EHBP1: variants seen among roughly 807,000 people sequenced by gnomAD.
EHBP1 encodes EH domain binding protein 1, also known as EH domain-binding protein 1.
In EHBP1, 55 loss-of-function variants were observed where a neutral mutation model predicts 144.0. The observed-to-expected ratio is 0.38, with a 90% confidence interval of 0.31 to 0.48. EHBP1 has a LOEUF of 0.48. Among genes scored for constraint, EHBP1 ranks in the 20% least tolerant of loss-of-function variants. EHBP1 has a pLI of 0.98. For missense variants in EHBP1, 1,200 were observed against 1,364.2 expected, an observed-to-expected ratio of 0.88 and a Z score of 1.90; for synonymous variants, 469 against 472.7, an observed-to-expected ratio of 0.99 and a Z score of 0.10.
At chr2:62,951,423 C>T (rs998198621) in intron 13 of EHBP1, among the ~76,000 whole-genome samples, 29 of 151,332 alleles carry the variant, frequency 1.9e-4, no homozygotes, top group Admixed American at 1.7e-3. Flanking sequence ...TTCAGGACAG[C>T]ATATGTCCAC....
intron 11 of EHBP1, among the ~76,000 whole-genome samples, chr2:62,943,556 C>A (rs970923915): frequency 6.6e-6 from 1 of 152,062 alleles, no homozygotes; most frequent in Non-Finnish European, 1.5e-5. Flanking sequence ...AGTCTTTGGT[C>A]CCCTGCCTTA....
chr2:62,886,422 G>A (rs1393858620), intron 10 of EHBP1, among the ~76,000 whole-genome samples: 1 of 152,092 alleles, frequency 6.6e-6, no homozygotes, highest in East Asian at 1.9e-4. Context: ...TACTTTACCT[G>A]TAAATTTTTT....
chr2:62,750,540 T>TG (rs769142167), intron 3 of EHBP1, among the ~76,000 whole-genome samples: 1 of 152,106 alleles, frequency 6.6e-6, no homozygotes. Context: ...GGTAGCTTGA[T>TG]GGGATGGCAT....
chr2:62,783,693 A>C (rs1052620428), intron 5 of EHBP1, among the ~76,000 whole-genome samples: 1 of 152,242 alleles, frequency 6.6e-6, no homozygotes, highest in African/African-American at 2.4e-5. Flanking sequence ...TGCACACAGC[A>C]GGGGAGCCCT....
intron 2 of EHBP1, among the ~76,000 whole-genome samples, chr2:62,744,833 C>T (rs2039006468): frequency 6.6e-6 from 1 of 152,000 alleles, no homozygotes; most frequent in Non-Finnish European, 1.5e-5. Context: ...GTAGGGGACA[C>T]ACTCTCATTG....
At chr2:62,964,150 A>G (rs561583553) in intron 14 of EHBP1, among the ~76,000 whole-genome samples, 1 of 152,212 alleles carries the variant, frequency 6.6e-6, no homozygotes, top group Non-Finnish European at 1.5e-5. Context: ...GCTTGCTAGC[A>G]TATCTTCAAA....
At chr2:62,819,055 A>G (rs1197936429) in intron 5 of EHBP1, among the ~76,000 whole-genome samples, 2 of 152,178 alleles carry the variant, frequency 1.3e-5, no homozygotes, top group African/African-American at 4.8e-5. Flanking sequence ...AGCATAAAAG[A>G]AAGGAAAATC....
At chr2:62,835,286 T>A (rs2047125287) in intron 7 of EHBP1, among the ~76,000 whole-genome samples, 3 of 152,182 alleles carry the variant, frequency 2.0e-5, no homozygotes, top group Admixed American at 2.0e-4. Flanking sequence ...ATTTTGGGGC[T>A]TTTCTTATTT....
chr2:62,880,417 AG>A (rs1240042310), intron 10 of EHBP1, among the ~76,000 whole-genome samples: 1 of 152,022 alleles, frequency 6.6e-6, no homozygotes, highest in East Asian at 1.9e-4. Context: ...CAAAAAAGAA[AG>A]AAACAAAAAA....
intron 3 of EHBP1, among the ~76,000 whole-genome samples, chr2:62,756,136 A>G (rs551890791): frequency 2.6e-5 from 4 of 151,918 alleles, no homozygotes; most frequent in African/African-American, 9.6e-5. Flanking sequence ...GAATACCTAT[A>G]TTTGATGTTT....
chr2:62,787,404 C>A (rs1391110186), intron 5 of EHBP1, among the ~76,000 whole-genome samples: 1 of 125,008 alleles, frequency 8.0e-6, no homozygotes, highest in Non-Finnish European at 1.7e-5. Context: ...GCCCCCCCCC[C>A]CCACCCCCTT....
intron 3 of EHBP1, among the ~76,000 whole-genome samples, chr2:62,763,258 T>C (rs2040904838): frequency 2.0e-5 from 3 of 152,128 alleles, no homozygotes; most frequent in Non-Finnish European, 4.4e-5. Context: ...CTACCTAACA[T>C]ATTATATATT....
intron 2 of EHBP1, among the ~76,000 whole-genome samples, chr2:62,729,632 AATAAAATAAT>A (rs2037311001): frequency 3.6e-5 from 5 of 137,446 alleles, no homozygotes; most frequent in Admixed American, 2.4e-4. Flanking sequence ...AATAAAATAA[AATAAAATAAT>A]ATAATATAAT....
intron 2 of EHBP1, among the ~76,000 whole-genome samples, chr2:62,735,518 A>G (rs1394901081): frequency 2.0e-5 from 3 of 152,152 alleles, no homozygotes; most frequent in Non-Finnish European, 4.4e-5. Context: ...AATCAAATAC[A>G]TTGTTGCTAT....
intron 7 of EHBP1, among the ~76,000 whole-genome samples, chr2:62,842,211 C>T (rs560366420): frequency 2.0e-4 from 30 of 152,166 alleles, no homozygotes; most frequent in Admixed American, 1.0e-3. Flanking sequence ...CTCAGCCTCC[C>T]GAGTAGCTGG....
intron 5 of EHBP1, among the ~76,000 whole-genome samples, chr2:62,821,413 G>T (rs2045971425): frequency 6.6e-6 from 1 of 152,174 alleles, no homozygotes; most frequent in African/African-American, 2.4e-5. Context: ...TTAAAGCCTG[G>T]TGTGGTAGCT....
intron 7 of EHBP1, among the ~76,000 whole-genome samples, chr2:62,857,777 C>G (rs533073246): frequency 6.6e-6 from 1 of 151,620 alleles, no homozygotes; most frequent in South Asian, 2.1e-4. Context: ...GTTTCTCTGT[C>G]CTTTTTAGTT....
In EHBP1 at chr2:62,687,624, C is replaced by T. The variant is rs185813102; in HGVS notation, c.-296+13541C>T. Among the ~76,000 whole-genome samples, 386 of 152,282 alleles carry T rather than the reference C, an allele frequency of 2.5e-3. 2 individuals carry two copies. The highest frequency in any genetic ancestry group is 2.7e-3 in the Non-Finnish European group (184 of 68,004). On this transcript the variant is annotated intron_variant, in intron 1 of 22. Coordinates refer to the EHBP1 transcript ENST00000405015. ...GCATTGTGATTTGACATATCAATTTCTCAGTGAACTCTCCCAATTTTTTTT... is the reference window on the plus strand; with the variant it reads ...GCATTGTGATTTGACATATCAATTTTTCAGTGAACTCTCCCAATTTTTTTT...
intron 10 of EHBP1, among the ~76,000 whole-genome samples, chr2:62,932,197 A>G (rs1005314685): frequency 6.6e-6 from 1 of 151,778 alleles, no homozygotes; most frequent in African/African-American, 2.4e-5. Context: ...AAAAGAACAT[A>G]TTCCCACAGA....
Sources: gnomAD v4.1 joint callset for allele counts (sites outside exome capture counted in the v4.1 genomes callset) on GRCh38, gnomAD v4.1.1 for gene constraint, MANE v1.5 for transcripts, NCBI Gene and HGNC (gene_info 2026-07-23, HGNC 2026-07-21) for gene names.